Variants in CALCR observed in about 807,000 individuals in gnomAD.
CALCR encodes calcitonin receptor.
Under a neutral mutation model 59.5 loss-of-function variants are expected in CALCR, and 47 were observed. The ratio of observed to expected loss-of-function variants is 0.79; its 90% CI spans 0.63 to 1.01. CALCR has a LOEUF of 1.01. CALCR is among the 50% of genes least tolerant of loss of function. The pLI, the probability that CALCR is intolerant of heterozygous loss-of-function variation, is 0.00. For missense variants in CALCR, 566 were observed against 597.1 expected (o/e 0.95, Z 0.54); for synonymous variants, 213 against 211.3 (o/e 1.01, Z -0.07).
intron 2 of CALCR, among the ~76,000 whole-genome samples, chr7:93,493,278 C>A (rs190552801): frequency 5.9e-5 from 9 of 151,444 alleles, no homozygotes; most frequent in Non-Finnish European, 3.0e-5. Context: ...CCTCACCACA[C>A]CACCACATTG....
At position 93,446,465 on chromosome 7, in the gene CALCR, GC is replaced by G. The variant is rs550245653; in HGVS notation, c.649-2709del. Among the ~76,000 whole-genome samples the G allele has an allele frequency of 1.7e-4, 26 of 151,892 alleles. No individual in the cohort carries two copies. The East Asian group carries it at 5.0e-3, about 29-fold the overall frequency. ...CTATTTTTCAGAATTTCTAATTTAG[GC>G]CCCTGATTAAGAATCCTGTGCCCAA... On this transcript the variant is annotated intron_variant, in intron 8 of 13. Transcript: ENST00000426151.
chr7:93,551,798 C>T (rs929178509), intron 2 of CALCR, among the ~76,000 whole-genome samples: 10 of 152,078 alleles, frequency 6.6e-5, no homozygotes, highest in African/African-American at 2.4e-4. Flanking sequence ...TTACAGATAA[C>T]ACAAATGTGA....
At chr7:93,537,713 T>TACACAC (rs139565888) in intron 2 of CALCR, among the ~76,000 whole-genome samples, 6 of 150,308 alleles carry the variant, frequency 4.0e-5, no homozygotes, top group African/African-American at 1.2e-4. Flanking sequence ...TACATGTGTA[T>TACACAC]ACACACACAC....
intron 2 of CALCR, among the ~76,000 whole-genome samples, chr7:93,572,177 T>C (rs1790019204): frequency 1.3e-5 from 2 of 152,134 alleles, no homozygotes; most frequent in Admixed American, 6.6e-5. Flanking sequence ...CTTCTAATTG[T>C]AAGATCAAGT....
intron 2 of CALCR, among the ~76,000 whole-genome samples, chr7:93,516,370 T>C (rs1801651120): frequency 6.6e-6 from 1 of 151,952 alleles, no homozygotes; most frequent in Admixed American, 6.6e-5. Context: ...CTGCTCAGAA[T>C]TTATTCTAAG....
At chr7:93,527,642 C>T (rs1292658129) in intron 2 of CALCR, among the ~76,000 whole-genome samples, 2 of 152,090 alleles carry the variant, frequency 1.3e-5, no homozygotes, top group African/African-American at 4.8e-5. Context: ...AGAAACAGCA[C>T]AATCAACATA....
intron 2 of CALCR, among the ~76,000 whole-genome samples, chr7:93,507,463 C>G (rs997125044): frequency 2.6e-5 from 4 of 151,878 alleles, no homozygotes; most frequent in African/African-American, 7.3e-5. Flanking sequence ...CCATGAGGGG[C>G]CCTCAGTGTA....
chr7:93,461,032 A>G, intron 7 of CALCR, 85 bp from the exon 8 acceptor site: 4 of 1,147,962 alleles, frequency 3.5e-6, no homozygotes, highest in South Asian at 3.0e-5. Context: ...TATTTTTCAT[A>G]TTTTCTTTAA....
chr7:93,468,649 G>C, intron 7 of CALCR, 66 bp downstream of exon 7: 1 of 1,145,502 alleles, frequency 8.7e-7, no homozygotes, highest in Non-Finnish European at 1.3e-6. Flanking sequence ...CACTCTTGCA[G>C]AATTCACCAT....
chr7:93,514,386 A>G (rs1253619711), intron 2 of CALCR, among the ~76,000 whole-genome samples: 2 of 152,048 alleles, frequency 1.3e-5, no homozygotes, highest in African/African-American at 2.4e-5. Flanking sequence ...GCTAATATTG[A>G]GCTCTAAATA....
intron 2 of CALCR, among the ~76,000 whole-genome samples, chr7:93,497,900 G>C (rs1163532861): frequency 6.6e-6 from 1 of 151,504 alleles, no homozygotes; most frequent in Non-Finnish European, 1.5e-5. Flanking sequence ...AGAAATCCCT[G>C]GTAGGAATAA....
rs35990717 is a variant in CALCR, at chr7:93,553,482, C to CTT, written c.-27+20805_-27+20806dup. Among the ~76,000 whole-genome samples the CTT allele has an allele frequency of 5.9e-3, 868 of 148,238 alleles. 17 individuals carry two copies. The highest frequency in any genetic ancestry group is 0.02 in the African/African-American group (823 of 40,462). On this transcript the variant is annotated intron_variant, in intron 2 of 13. Coordinates refer to ENST00000426151, the MANE Select transcript of CALCR (RefSeq NM_001742.4). ...AGAAAGATGTTAATGAAAACTTACC[C>CTT]TTTTTTTTTTGCACAACAAATTTTG...
chr7:93,560,172 T>C lies in CALCR; in HGVS notation c.-27+14117A>G, dbSNP rs997501929. On this transcript the variant is annotated intron_variant, in intron 2 of 13. Transcript: ENST00000426151. The stretch of plus-strand genomic sequence containing the variant: ...TCCCTTTGAGGACTGAACTATGTCA[T>C]ACTTCTGCTTTCTCTTTAAAAAGAC... Among the ~76,000 whole-genome samples the C allele has an allele frequency of 2.0e-5, 3 of 152,126 alleles. 1 individual carries two copies. The South Asian group carries it at 6.2e-4, about 31-fold the overall frequency.
chr7:93,557,553 G>C (rs965116882), intron 2 of CALCR, among the ~76,000 whole-genome samples: 4 of 150,636 alleles, frequency 2.7e-5, no homozygotes, highest in African/African-American at 9.7e-5. Context: ...GCTGTTAGTT[G>C]ACATATTATT....
intron 3 of CALCR, chr7:93,484,023 C>T (rs749398012): frequency 3.9e-6 from 2 of 516,312 alleles, no homozygotes; most frequent in Non-Finnish European, 8.1e-6. Flanking sequence ...CTGCCACCAA[C>T]AGCAGTAGTC....
chr7:93,464,351 A>G (rs538757440), intron 7 of CALCR, among the ~76,000 whole-genome samples: 58 of 152,012 alleles, frequency 3.8e-4, no homozygotes, highest in Admixed American at 9.9e-4. Flanking sequence ...GAAAACAAGT[A>G]AAAGTTGTTT....
At chr7:93,523,115 C>T (rs1015540822) in intron 2 of CALCR, among the ~76,000 whole-genome samples, 1 of 152,134 alleles carries the variant, frequency 6.6e-6, no homozygotes, top group African/African-American at 2.4e-5. Flanking sequence ...AACACTTCAT[C>T]CATGAATGTG....
rs766603297 is a variant in CALCR, at chr7:93,426,535, G to T, written c.1246C>A (p.Arg416Ser). 5.0e-6 allele frequency: 8 copies of T among 1,613,402 alleles called. No individual in the cohort carries two copies. The highest frequency in any genetic ancestry group is 1.7e-5 in the Admixed American group (1 of 60,014). ...WAQFKIQWNQ[R>S]WGRRPSNRSA... ...CGGTTGGAGGGGCGCCTCCCCCAACGCTGGTTCCACTGAATTTTGAATTGG... is the reference window on the plus strand; with the variant it reads ...CGGTTGGAGGGGCGCCTCCCCCAACTCTGGTTCCACTGAATTTTGAATTGG... Residue 416 changes from arginine to serine, a missense_variant, in exon 14 of 14, where the codon CGT (arginine) becomes AGT (serine). Transcript: ENST00000426151.
At chr7:93,556,266 G>A (rs1277904576) in intron 2 of CALCR, among the ~76,000 whole-genome samples, 3 of 152,036 alleles carry the variant, frequency 2.0e-5, no homozygotes, top group African/African-American at 7.2e-5. Context: ...GACCCTAAAG[G>A]GCACTGATAT....
Sources: allele counts gnomAD v4.1 joint callset (sites outside exome capture counted in the v4.1 genomes callset), GRCh38; gene constraint gnomAD v4.1.1; transcripts MANE v1.5; gene names NCBI Gene and HGNC (gene_info 2026-07-23, HGNC 2026-07-21).